Variants in CTNND2 observed in about 807,000 individuals in gnomAD.
CTNND2 encodes catenin delta-2.
Under a neutral mutation model 144.4 loss-of-function variants are expected in CTNND2, and 22 were observed. That is an observed-to-expected ratio of 0.15 (90% CI 0.11 to 0.22). The LOEUF is 0.22. Ranked by LOEUF, CTNND2 falls within the 10% of genes least tolerant of loss-of-function variation. CTNND2 has a pLI of 1.00. For missense variants in CTNND2, 1,353 were observed against 1,618.8 expected, an observed-to-expected ratio of 0.84 and a Z score of 2.82; for synonymous variants, 751 against 695.6, an observed-to-expected ratio of 1.08 and a Z score of -1.25.
chr5:11,272,895 C>G (rs1308989587), intron 9 of CTNND2, among the ~76,000 whole-genome samples: 1 of 151,986 alleles, frequency 6.6e-6, no homozygotes, highest in African/African-American at 2.4e-5. Flanking sequence ...AAATCTGGAC[C>G]ACCTCCTTTT....
chr5:11,268,155 C>T (rs905601359), intron 9 of CTNND2, among the ~76,000 whole-genome samples: 4 of 152,160 alleles, frequency 2.6e-5, no homozygotes, highest in East Asian at 3.8e-4. Context: ...CCATGAGGCA[C>T]GGAACATGTG....
chr5:11,624,780 C>T (rs1436955430), intron 2 of CTNND2, among the ~76,000 whole-genome samples: 1 of 151,976 alleles, frequency 6.6e-6, no homozygotes, highest in African/African-American at 2.4e-5. Flanking sequence ...GTTCCTTTCC[C>T]TCCCCCAACA....
chr5:10,989,290 C>T (rs61751699), intron 19 of CTNND2, among the ~76,000 whole-genome samples: 20,561 of 152,094 alleles, frequency 0.14, 1,458 homozygotes, highest in East Asian at 0.16. Flanking sequence ...GCTCAGGTGC[C>T]GTGTCCTTCT....
chr5:11,354,480 A>C (rs374264043), intron 8 of CTNND2, among the ~76,000 whole-genome samples: 5 of 152,282 alleles, frequency 3.3e-5, no homozygotes, highest in African/African-American at 1.2e-4. Flanking sequence ...GACCCTTTTT[A>C]TTTTGTAAAA....
chr5:11,854,006 C>A (rs1350238260), intron 1 of CTNND2, among the ~76,000 whole-genome samples: 1 of 152,186 alleles, frequency 6.6e-6, no homozygotes, highest in Non-Finnish European at 1.5e-5. Flanking sequence ...CACTTCTTGG[C>A]TCAAAAGCAT....
intron 9 of CTNND2, among the ~76,000 whole-genome samples, chr5:11,254,648 T>C (rs1744041519): frequency 6.6e-6 from 1 of 152,186 alleles, no homozygotes; most frequent in South Asian, 2.1e-4. Flanking sequence ...CAACAGTGCA[T>C]GTCAAAATTA....
At chr5:11,421,709 C>T (rs1762381151) in intron 3 of CTNND2, among the ~76,000 whole-genome samples, 1 of 152,106 alleles carries the variant, frequency 6.6e-6, no homozygotes, top group Non-Finnish European at 1.5e-5. Context: ...GTGACACAGT[C>T]ACCACAAACT....
rs139416695 is a variant in CTNND2, at chr5:11,825,974, T to C, written c.37+77843A>G. ...TGAGCCATTTTCTTGCCAACAGACA[T>C]GCAACGTAAGGCATAATAAGGGAAA... On this transcript the variant is annotated intron_variant, in intron 1 of 21. Coordinates refer to ENST00000304623, the MANE Select transcript of CTNND2 (RefSeq NM_001332.4). 2.5e-3 allele frequency among the ~76,000 whole-genome samples: 375 copies of C among 152,084 alleles called. 1 individual carries two copies. In the Middle Eastern group the frequency reaches 0.027, roughly 11 times the overall value.
intron 3 of CTNND2, among the ~76,000 whole-genome samples, chr5:11,506,667 A>C (rs913443536): frequency 3.3e-5 from 5 of 152,220 alleles, no homozygotes; most frequent in Non-Finnish European, 7.3e-5. Flanking sequence ...GTTTACCTTA[A>C]ATATACACAA....
intron 1 of CTNND2, among the ~76,000 whole-genome samples, chr5:11,875,214 G>A (rs1303719604): frequency 6.6e-6 from 1 of 152,144 alleles, no homozygotes; most frequent in East Asian, 1.9e-4. Flanking sequence ...CTAAGTACAA[G>A]CTAGCTGTTA....
At chr5:10,977,048 T>C (rs532093970) in intron 21 of CTNND2, among the ~76,000 whole-genome samples, 56 of 152,246 alleles carry the variant, frequency 3.7e-4, no homozygotes, top group Non-Finnish European at 6.9e-4. Context: ...TAACAGCCCT[T>C]TGGGGAATTC....
intron 3 of CTNND2, among the ~76,000 whole-genome samples, chr5:11,480,701 T>A (rs957226644): frequency 6.6e-6 from 1 of 150,582 alleles, no homozygotes; most frequent in Admixed American, 6.6e-5. Flanking sequence ...GAGGTTATAA[T>A]AGAGTTTTTC....
chr5:11,271,512 T>C (rs1027604887), intron 9 of CTNND2, among the ~76,000 whole-genome samples: 5 of 152,142 alleles, frequency 3.3e-5, no homozygotes, highest in Non-Finnish European at 7.3e-5. Context: ...CCTCCAAATA[T>C]ATGGTCCGCT....
At chr5:11,771,003 TC>T (rs1789901865) in intron 1 of CTNND2, among the ~76,000 whole-genome samples, 1 of 152,082 alleles carries the variant, frequency 6.6e-6, no homozygotes, top group Admixed American at 6.6e-5. Flanking sequence ...CAAAATCACT[TC>T]TTTTCTTTAA....
At chr5:11,191,874 GGCTTCCCCT>G (rs1270196145) in intron 11 of CTNND2, among the ~76,000 whole-genome samples, 1 of 152,172 alleles carries the variant, frequency 6.6e-6, no homozygotes, top group Non-Finnish European at 1.5e-5. Context: ...AGCTGGCTCT[GGCTTCCCCT>G]GCTTCACATC....
chr5:11,844,620 AC>A (rs201358455), intron 1 of CTNND2, among the ~76,000 whole-genome samples: 2,157 of 151,922 alleles, frequency 0.014, 52 homozygotes, highest in African/African-American at 0.05. Context: ...ATATCCCAGA[AC>A]TCTAATTATA....
chr5:11,539,319 C>A (rs759983592), intron 3 of CTNND2, among the ~76,000 whole-genome samples: 13 of 152,120 alleles, frequency 8.5e-5, no homozygotes, highest in Non-Finnish European at 1.9e-4. Flanking sequence ...GGGTGGCAGG[C>A]GGAAAGAACT....
At chr5:11,830,417 C>T (rs1005620028) in intron 1 of CTNND2, among the ~76,000 whole-genome samples, 6 of 152,062 alleles carry the variant, frequency 3.9e-5, no homozygotes, top group African/African-American at 9.7e-5. Flanking sequence ...AAGTCTTTCC[C>T]GTGCTGTTTT....
At chr5:11,872,309 G>T (rs1436188379) in intron 1 of CTNND2, among the ~76,000 whole-genome samples, 1 of 152,166 alleles carries the variant, frequency 6.6e-6, no homozygotes, top group Non-Finnish European at 1.5e-5. Flanking sequence ...TTGGTTCCAA[G>T]TCTTTGTTAT....
Sources: gnomAD v4.1 joint callset for allele counts (sites outside exome capture counted in the v4.1 genomes callset) on GRCh38, gnomAD v4.1.1 for gene constraint, MANE v1.5 for transcripts, NCBI Gene and HGNC (gene_info 2026-07-23, HGNC 2026-07-21) for gene names.